KIRREL3: variants seen among roughly 807,000 people sequenced by gnomAD.
KIRREL3 encodes the protein kin of IRRE-like protein 3.
Under a neutral mutation model 89.7 loss-of-function variants are expected in KIRREL3, and 36 were observed. The observed-to-expected ratio is 0.40, with a 90% CI of 0.31 to 0.53. The LOEUF is 0.53. KIRREL3 is among the 20% of genes least tolerant of loss of function. The pLI, the probability that KIRREL3 is intolerant of heterozygous loss-of-function variation, is 0.49. For synonymous variants in KIRREL3, 445 were observed against 441.4 expected (o/e 1.01, Z -0.10); for missense variants, 864 against 1,056.6 (o/e 0.82, Z 2.53).
rs1211739409 is a variant in KIRREL3 at position 126,948,913 on chromosome 11, T to A, written c.55+51542A>T. On this transcript the variant is annotated intron_variant, in intron 1 of 16. Transcript: ENST00000525144. This position sits in a 1 kb window ranked among gnomAD's most constrained non-coding sequence, Gnocchi z 4.5. ...CATAATCCCATATACATATACCATA[T>A]AACATGCTGGGCTAGGAGAAGAATG... Among the ~76,000 whole-genome samples, 2 of 152,160 alleles carry A rather than the reference T, an allele frequency of 1.3e-5. No homozygotes were observed. The highest frequency in any genetic ancestry group is 2.9e-5 in the Non-Finnish European group (2 of 68,030).
chr11:126,693,543 A>C (rs925802149), intron 1 of KIRREL3, among the ~76,000 whole-genome samples: 1 of 152,194 alleles, frequency 6.6e-6, no homozygotes, highest in Admixed American at 6.5e-5. Flanking sequence ...AAAGCGTGCA[A>C]GTCATGGCAG....
chr11:126,524,070 G>C (rs1035741907), intron 3 of KIRREL3, among the ~76,000 whole-genome samples: 4 of 152,166 alleles, frequency 2.6e-5, no homozygotes, highest in Non-Finnish European at 5.9e-5. Context: ...AAATTACTTA[G>C]AGTCTGGGTT....
rs138279952 is a variant in KIRREL3, at chr11:126,792,743, C to G, written c.55+207712G>C. ...CATGGATAAATCTTAGACCATGATACGAAGTGGAAAAAGCAAATTGGAAAA... is the reference window on the plus strand; with the variant it reads ...CATGGATAAATCTTAGACCATGATAGGAAGTGGAAAAAGCAAATTGGAAAA... On this transcript the variant is annotated intron_variant, in intron 1 of 16. Coordinates refer to ENST00000525144, the MANE Select transcript of KIRREL3 (RefSeq NM_032531.4). Among the ~76,000 whole-genome samples the G allele has an allele frequency of 6.4e-3, 974 of 152,164 alleles. 9 individuals carry two copies. Among genetic ancestry groups the G allele is most frequent in the Non-Finnish European group, 8.7e-3 (592 of 68,004 alleles).
At position 126,430,072 on chromosome 11, in the gene KIRREL3, C is replaced by G. The variant is rs4937130; in HGVS notation, c.1697-784G>C. On this transcript the variant is annotated intron_variant, in intron 14 of 16. Transcript: ENST00000525144. The surrounding 1 kb of genome is among the most constrained non-coding windows in gnomAD (Gnocchi z 6.6). ...TCGCTTGAATGAACCCGGGAGGCAG[C>G]GGCTGCGGTAAGCCGAGATTGTGCC... Among the ~76,000 whole-genome samples the G allele has an allele frequency of 0.55, 83,230 of 151,430 alleles. 23,864 individuals are homozygous for G. The highest frequency in any genetic ancestry group is 0.91 in the East Asian group (4,685 of 5,142).
rs1264451919 is a variant in KIRREL3 at position 126,645,303 on chromosome 11, A to G, written c.56-82391T>C. ...GTATTCAGTTTTTATGAAGACCTCC[A>G]GCGTCTTCATGTGTGGTCCTCAAAT... On this transcript the variant is annotated intron_variant, in intron 1 of 16. Transcript: ENST00000525144. The surrounding 1 kb of genome is among the most constrained non-coding windows in gnomAD (Gnocchi z 4.9). Among the ~76,000 whole-genome samples the G allele has an allele frequency of 1.3e-5, 2 of 152,166 alleles. No individual in the cohort carries two copies. The highest frequency in any genetic ancestry group is 4.8e-5 in the African/African-American group (2 of 41,434).
chr11:126,821,329 G>GTACATATATATATATATATATATATA (rs1943210231), intron 1 of KIRREL3, among the ~76,000 whole-genome samples: 2 of 103,490 alleles, frequency 1.9e-5, no homozygotes, highest in African/African-American at 1.0e-4. Context: ...GATAAACACA[G>GTACATATATATATATATATATATATA]TATATATATA....
At chr11:126,798,239 C>G (rs1450751614) in intron 1 of KIRREL3, among the ~76,000 whole-genome samples, 1 of 152,162 alleles carries the variant, frequency 6.6e-6, no homozygotes, top group African/African-American at 2.4e-5. Context: ...GTGCACAGCT[C>G]CTTCCTCTCT....
intron 1 of KIRREL3, among the ~76,000 whole-genome samples, chr11:126,730,558 C>T (rs569358699): frequency 3.1e-4 from 47 of 152,294 alleles, no homozygotes; most frequent in Non-Finnish European, 5.6e-4. Flanking sequence ...CATTTGGCAA[C>T]GTCCAGGGAC....
At position 126,531,964 on chromosome 11, in the gene KIRREL3, G is replaced by A. The variant is rs1001852649; in HGVS notation, c.134-5277C>T. On this transcript the variant is annotated intron_variant, in intron 2 of 16. Transcript: ENST00000525144. The surrounding 1 kb of genome is among the most constrained non-coding windows in gnomAD (Gnocchi z 4.7). ...TTTTGCATTATGAACTACTAACCCG[G>A]CAGATACTGTTCAGAGCACACCACA... 1.3e-5 allele frequency among the ~76,000 whole-genome samples: 2 copies of A among 152,132 alleles called. No homozygotes were observed. Among genetic ancestry groups the A allele is most frequent in the African/African-American group, 4.8e-5 (2 of 41,408 alleles).
In KIRREL3 at chr11:126,876,538, CTTT is replaced by C. The variant is rs34978323; in HGVS notation, c.55+123914_55+123916del. ...CTTACAGTACATACTCATAAATATG[CTTT>C]TTTTTTTTTTTTTTGAGATGGAGTC... On this transcript the variant is annotated intron_variant, in intron 1 of 16. Transcript: ENST00000525144. This position sits in a 1 kb window ranked among gnomAD's most constrained non-coding sequence, Gnocchi z 4.1. 2.5e-4 allele frequency among the ~76,000 whole-genome samples: 29 copies of C among 115,306 alleles called. No homozygotes were observed. Among genetic ancestry groups the C allele is most frequent in the Non-Finnish European group, 2.2e-4 (12 of 54,340 alleles). The allele number at this position is 115,306 out of a possible 152,430, so 75.6% of individuals were successfully genotyped here. A position where few individuals can be genotyped will look rare whatever the true frequency, so the allele number is the denominator to read the frequency against.
chr11:126,759,612 C>G (rs528313359), intron 1 of KIRREL3, among the ~76,000 whole-genome samples: 15 of 152,290 alleles, frequency 9.8e-5, no homozygotes, highest in Middle Eastern at 6.8e-3. Context: ...AGATGGCCTG[C>G]TTCTAAGGAG....
intron 1 of KIRREL3, among the ~76,000 whole-genome samples, chr11:126,661,063 T>A (rs770788138): frequency 1.3e-5 from 2 of 152,182 alleles, no homozygotes; most frequent in Non-Finnish European, 2.9e-5. Flanking sequence ...TATAACATCT[T>A]GGTGAAATAC....
chr11:126,653,312 TGGGG>T lies in KIRREL3; in HGVS notation c.56-90404_56-90401del, dbSNP rs1437447809. Among the ~76,000 whole-genome samples, 2 of 152,046 alleles carry T rather than the reference TGGGG, an allele frequency of 1.3e-5. No homozygotes were observed. Among genetic ancestry groups the T allele is most frequent in the Admixed American group, 6.5e-5 (1 of 15,276 alleles). ...TTGCTCAGTGAAGGATGGGCAGACTTGGGGTGGCAGAAGAGGCACCAGCTGGACC... is the reference window on the plus strand; with the variant it reads ...TTGCTCAGTGAAGGATGGGCAGACTTTGGCAGAAGAGGCACCAGCTGGACC... On this transcript the variant is annotated intron_variant, in intron 1 of 16. Coordinates refer to ENST00000525144, the MANE Select transcript of KIRREL3 (RefSeq NM_032531.4). This position sits in a 1 kb window ranked among gnomAD's most constrained non-coding sequence, Gnocchi z 5.4.
chr11:126,687,797 G>A lies in KIRREL3; in HGVS notation c.56-124885C>T, dbSNP rs1451303755. ...CTAGAAAAGTCTGCAGGTAATGACA[G>A]GCAAAGAGAGATGCGGTGAAATGGC... On this transcript the variant is annotated intron_variant, in intron 1 of 16. Coordinates refer to ENST00000525144, the MANE Select transcript of KIRREL3 (RefSeq NM_032531.4). The surrounding 1 kb of genome is among the most constrained non-coding windows in gnomAD (Gnocchi z 4.6). Among the ~76,000 whole-genome samples, 1 of 152,210 alleles carries A rather than the reference G, an allele frequency of 6.6e-6. No individual in the cohort carries two copies. The highest frequency in any genetic ancestry group is 2.4e-5 in the African/African-American group (1 of 41,464).
chr11:126,608,471 T>C lies in KIRREL3; in HGVS notation c.56-45559A>G, dbSNP rs975010600. Among the ~76,000 whole-genome samples the C allele has an allele frequency of 1.3e-5, 2 of 150,254 alleles. No individual in the cohort carries two copies. The highest frequency in any genetic ancestry group is 3.0e-5 in the Non-Finnish European group (2 of 66,996). On this transcript the variant is annotated intron_variant, in intron 1 of 16. Transcript: ENST00000525144. The surrounding 1 kb of genome is among the most constrained non-coding windows in gnomAD (Gnocchi z 4.9). The stretch of plus-strand genomic sequence containing the variant: ...TAGCCCCTGGTGCCCTTCCTCTGTC[T>C]GTGGGAGGTGCGCGTCTGGCATTCC...
At chr11:126,756,924 G>T (rs1209530638) in intron 1 of KIRREL3, among the ~76,000 whole-genome samples, 5 of 152,200 alleles carry the variant, frequency 3.3e-5, no homozygotes, top group Admixed American at 3.3e-4. Context: ...CTGCACTCAA[G>T]ACACTGGTTT....
chr11:126,435,403 C>T, intron 12 of KIRREL3, 100 bp from the exon 13 acceptor site: 2 of 1,203,646 alleles, frequency 1.7e-6, no homozygotes, highest in Non-Finnish European at 2.4e-6. Flanking sequence ...GTGAGGGGCT[C>T]CTTTCCCAGT....
At chr11:126,631,767 A>G (rs965493875) in intron 1 of KIRREL3, among the ~76,000 whole-genome samples, 21 of 152,276 alleles carry the variant, frequency 1.4e-4, no homozygotes, top group African/African-American at 5.1e-4. Context: ...CAACAATCTC[A>G]CAAAAGGCAG....
rs1221400683 is a variant in KIRREL3, at chr11:126,807,266, C to A, written c.55+193189G>T. 6.6e-6 allele frequency among the ~76,000 whole-genome samples: 1 copy of A among 152,154 alleles called. No homozygotes were observed. Among genetic ancestry groups the A allele is most frequent in the East Asian group, 1.9e-4 (1 of 5,190 alleles). Reference sequence around the variant, plus strand: ...TATACTTCTAACAAAGAAATGTCATCTGAAATTTTACAATGGAGCACAGGA... The same window carrying A: ...TATACTTCTAACAAAGAAATGTCATATGAAATTTTACAATGGAGCACAGGA... On this transcript the variant is annotated intron_variant, in intron 1 of 16. Coordinates refer to ENST00000525144, the MANE Select transcript of KIRREL3 (RefSeq NM_032531.4). The surrounding 1 kb of genome is among the most constrained non-coding windows in gnomAD (Gnocchi z 4.3).
Sources: allele counts gnomAD v4.1 joint callset (sites outside exome capture counted in the v4.1 genomes callset), GRCh38; gene constraint gnomAD v4.1.1; non-coding constraint Gnocchi (gnomAD v3.1); transcripts MANE v1.5; gene names NCBI Gene and HGNC (gene_info 2026-07-23, HGNC 2026-07-21).